Variants in KRR1 observed in about 807,000 individuals in gnomAD.
KRR1 encodes KRR1 small subunit processome component homolog.
In KRR1, 23 loss-of-function variants were observed where a neutral mutation model predicts 50.0. That is an observed-to-expected ratio of 0.46 (90% CI 0.33 to 0.65). The LOEUF (loss-of-function observed/expected upper bound fraction) is 0.65, where lower values mean the gene tolerates loss of function less well. KRR1 is among the 30% of genes least tolerant of loss of function. The probability of loss-of-function intolerance (pLI) is 0.02; values close to 1 mark genes in which losing one functional copy is unlikely to be tolerated. For missense variants in KRR1, 419 were observed against 442.4 expected, an observed-to-expected ratio of 0.95 and a Z score of 0.47; for synonymous variants, 133 against 146.3, an observed-to-expected ratio of 0.91 and a Z score of 0.66.
Position 75,508,309 on chromosome 12 carries a change from A to C in KRR1, c.223T>G (p.Cys75Gly). 6.2e-7 allele frequency: 1 copy of C among 1,613,008 alleles called. No homozygotes were observed. Among genetic ancestry groups the C allele is most frequent in the South Asian group, 1.1e-5 (1 of 90,962 alleles). Reference sequence around the variant, plus strand: ...AAGGCTTTCTGCACCAATGGCCAACACTCTTTCAAGTAAGCTTCCCTGTAT... The same window carrying C: ...AAGGCTTTCTGCACCAATGGCCAACCCTCTTTCAAGTAAGCTTCCCTGTAT... ...PKYREAYLKE[C>G]WPLVQKALNE... Residue 75 changes from cysteine to glycine, a missense_variant, in exon 2 of 10, where the codon TGT (cysteine) becomes GGT (glycine). Transcript: ENST00000229214.
Position 75,498,864 on chromosome 12 carries a change from A to G in KRR1, c.*945T>C, listed in dbSNP as rs773845498. 5.0e-5 allele frequency: 80 copies of G among 1,611,492 alleles called. No homozygotes were observed. Among genetic ancestry groups the G allele is most frequent in the Non-Finnish European group, 6.5e-5 (77 of 1,178,070 alleles). On this transcript the variant is annotated 3_prime_UTR_variant, in exon 10 of 10. Transcript: ENST00000229214. Reference sequence around the variant, plus strand: ...TATATCCAGGCTGGCCCATATATCCACGTAACAGATACACTTCTCTCTTTC... The same window carrying G: ...TATATCCAGGCTGGCCCATATATCCGCGTAACAGATACACTTCTCTCTTTC...
chr12:75,491,877 C>T lies in KRR1; in HGVS notation c.*7932G>A, dbSNP rs2046325560. ...TTGTTGCCTTTGAATTTTTGGATTCCTGGAGATTGGCTGAAAGAAAGCCAT... is the reference window on the plus strand; with the variant it reads ...TTGTTGCCTTTGAATTTTTGGATTCTTGGAGATTGGCTGAAAGAAAGCCAT... On this transcript the variant is annotated 3_prime_UTR_variant, in exon 10 of 10. Coordinates refer to ENST00000229214, the MANE Select transcript of KRR1 (RefSeq NM_007043.7). The T allele has an allele frequency of 6.6e-6, 1 of 151,830 alleles. No individual in the cohort carries two copies. The highest frequency in any genetic ancestry group is 2.1e-4 in the South Asian group (1 of 4,818). 9.4% of individuals were successfully genotyped at this position (151,830 alleles called of 1,614,324 possible).
chr12:75,492,306 T>C lies in KRR1; in HGVS notation c.*7503A>G, dbSNP rs1372015941. 1 of 152,274 alleles carries C rather than the reference T, an allele frequency of 6.6e-6. No homozygotes were observed. 9.4% of individuals were successfully genotyped at this position (152,274 alleles called of 1,614,324 possible). A position where few individuals can be genotyped will look rare whatever the true frequency, so the allele number is the denominator to read the frequency against. On this transcript the variant is annotated 3_prime_UTR_variant, in exon 10 of 10. Coordinates refer to ENST00000229214, the MANE Select transcript of KRR1 (RefSeq NM_007043.7). ...CATATTGCCCAGGCTCATCTCCAAC[T>C]CCTGGGCTAAAGTGATCCACCTGCC...
In KRR1 at chr12:75,498,466, A is replaced by G. The variant is rs2046365571; in HGVS notation, c.*1343T>C. 9.0e-6 allele frequency: 4 copies of G among 444,214 alleles called. No individual in the cohort carries two copies. The highest frequency in any genetic ancestry group is 1.6e-5 in the Non-Finnish European group (4 of 252,196). The allele number at this position is 444,214 out of a possible 1,614,324, so 27.5% of individuals were successfully genotyped here. ...GATTTTCCATTTATAGTAATGGTATAGTTTCCTTTTTATAAAAGGTTTATA... is the reference window on the plus strand; with the variant it reads ...GATTTTCCATTTATAGTAATGGTATGGTTTCCTTTTTATAAAAGGTTTATA... On this transcript the variant is annotated 3_prime_UTR_variant, in exon 10 of 10. Coordinates refer to ENST00000229214, the MANE Select transcript of KRR1 (RefSeq NM_007043.7).
intron 9 of KRR1, chr12:75,501,027 G>T (rs759133035): frequency 1.3e-5 from 2 of 152,058 alleles, no homozygotes; most frequent in African/African-American, 2.4e-5. Flanking sequence ...TTCTGACCCA[G>T]TCTATGTACA....
rs1334657618 is a variant in KRR1 at position 75,501,710 on chromosome 12, T to C, written c.1003+13A>G. On this transcript the variant is annotated intron_variant, in intron 9 of 9. Transcript: ENST00000229214. ...CTAATTAATAAAGACTTTTACATCATAGAAAGCATTACCTTCCTTAGGTTT... is the reference window on the plus strand; with the variant it reads ...CTAATTAATAAAGACTTTTACATCACAGAAAGCATTACCTTCCTTAGGTTT... 2.6e-6 allele frequency: 4 copies of C among 1,538,394 alleles called. No homozygotes were observed. The highest frequency in any genetic ancestry group is 1.8e-5 in the Admixed American group (1 of 55,440).
rs966284427 is a variant in KRR1 at position 75,493,080 on chromosome 12, G to A, written c.*6729C>T. 3 of 152,106 alleles carry A rather than the reference G, an allele frequency of 2.0e-5. No individual in the cohort carries two copies. Among genetic ancestry groups the A allele is most frequent in the Admixed American group, 6.6e-5 (1 of 15,266 alleles). 9.4% of individuals were successfully genotyped at this position (152,106 alleles called of 1,614,324 possible). A position where few individuals can be genotyped will look rare whatever the true frequency, so the allele number is the denominator to read the frequency against. ...TTAAACCACAGAGACTGGTGCCCTC[G>A]GTCTGCTAAACAGATGAAACGGGGG... On this transcript the variant is annotated 3_prime_UTR_variant, in exon 10 of 10. Transcript: ENST00000229214.
rs1262076078 is a variant in KRR1 at position 75,499,819 on chromosome 12, T to C, written c.1136A>G (p.Lys379Arg). 1.3e-6 allele frequency: 2 copies of C among 1,598,984 alleles called. No homozygotes were observed. Among genetic ancestry groups the C allele is most frequent in the Non-Finnish European group, 1.7e-6 (2 of 1,174,884 alleles). ...KMEADEKKKK[K>R]KK ...GGAGTTTTGGGTATGTTACTTTTTT[T>C]TCTTCTTTTTCTTTTCATCTGCCTC... is the stretch of plus-strand genomic sequence containing the variant. Residue 379 changes from lysine to arginine, a missense_variant, in exon 10 of 10, where the codon AAA becomes AGA. Lys to Arg is a conservative substitution (Grantham distance 26). Transcript: ENST00000229214.
At chr12:75,500,645 A>G (rs964035401) in intron 9 of KRR1, 4 of 151,934 alleles carry the variant, frequency 2.6e-5, no homozygotes, top group Admixed American at 6.6e-5. Context: ...ATAGAAGCCA[A>G]CTATCTAATC....
Position 75,498,561 on chromosome 12 carries a change from A to C in KRR1, c.*1248T>G. ...TCAGTTCAAAAAGTTTTGAATAATT[A>C]AACTTGGAAAGTCACTGCAATAAAG... is the stretch of plus-strand genomic sequence containing the variant. On this transcript the variant is annotated 3_prime_UTR_variant, in exon 10 of 10. Coordinates refer to ENST00000229214, the MANE Select transcript of KRR1 (RefSeq NM_007043.7). 1 of 665,378 alleles carries C rather than the reference A, an allele frequency of 1.5e-6. No individual in the cohort carries two copies. Among genetic ancestry groups the C allele is most frequent in the Non-Finnish European group, 2.6e-6 (1 of 387,012 alleles). 41.2% of individuals were successfully genotyped at this position (665,378 alleles called of 1,614,324 possible).
At position 75,501,830 on chromosome 12, in the gene KRR1, TAAAA is replaced by T; in HGVS notation, c.910-18_910-15del. ...TGCTTGTTTAGCCTACATTAATAAA[TAAAA>T]AATATATCAGTTAAATGTATTTATA... On this transcript the variant is annotated splice_polypyrimidine_tract_variant and intron_variant, in intron 8 of 9. Transcript: ENST00000229214. 6.3e-7 allele frequency: 1 copy of T among 1,579,482 alleles called. No individual in the cohort carries two copies. The highest frequency in any genetic ancestry group is 8.6e-7 in the Non-Finnish European group (1 of 1,158,004).
chr12:75,508,895 T>C (rs771177610), intron 1 of KRR1, among the ~76,000 whole-genome samples: 4 of 152,242 alleles, frequency 2.6e-5, no homozygotes, highest in Non-Finnish European at 5.9e-5. Context: ...GTGTAAAACT[T>C]CTGAAAGAGA....
At position 75,499,012 on chromosome 12, in the gene KRR1, C is replaced by A. The variant is rs767683448; in HGVS notation, c.*797G>T. On this transcript the variant is annotated 3_prime_UTR_variant, in exon 10 of 10. Coordinates refer to ENST00000229214, the MANE Select transcript of KRR1 (RefSeq NM_007043.7). ...AGGAAAGAAAAAACCCAAAAACCAA[C>A]CTCATTCACATATGGCTTTTTTTTT... is the stretch of plus-strand genomic sequence containing the variant. 1 of 1,465,812 alleles carries A rather than the reference C, an allele frequency of 6.8e-7. No homozygotes were observed. The highest frequency in any genetic ancestry group is 2.4e-5 in the East Asian group (1 of 42,406). 90.8% of individuals were successfully genotyped at this position (1,465,812 alleles called of 1,614,324 possible).
rs1168722449 is a variant in KRR1, at chr12:75,491,875, T to C, written c.*7934A>G. On this transcript the variant is annotated 3_prime_UTR_variant, in exon 10 of 10. Coordinates refer to ENST00000229214, the MANE Select transcript of KRR1 (RefSeq NM_007043.7). ...ATTTGTTGCCTTTGAATTTTTGGATTCCTGGAGATTGGCTGAAAGAAAGCC... is the reference window on the plus strand; with the variant it reads ...ATTTGTTGCCTTTGAATTTTTGGATCCCTGGAGATTGGCTGAAAGAAAGCC... The C allele has an allele frequency of 6.6e-6, 1 of 152,160 alleles. No individual in the cohort carries two copies. Among genetic ancestry groups the C allele is most frequent in the Non-Finnish European group, 1.5e-5 (1 of 68,038 alleles). 9.4% of individuals were successfully genotyped at this position (152,160 alleles called of 1,614,324 possible).
chr12:75,499,857 A>C lies in KRR1; in HGVS notation c.1098T>G (p.Ile366Met). 1.2e-6 allele frequency: 2 copies of C among 1,608,218 alleles called. No individual in the cohort carries two copies. The highest frequency in any genetic ancestry group is 1.7e-6 in the Non-Finnish European group (2 of 1,177,568). ...KKLGALTAEE[I>M]ALKMEADEKK... ...TTTCATCTGCCTCCATCTTAAGTGC[A>C]ATTTCTTCAGCTGTAAGAGCTCCCA... The change falls in exon 10 of 10, where the codon ATT becomes ATG. Residue 366 changes from isoleucine (I) to methionine (M), a missense_variant. Ile to Met is a conservative substitution (Grantham distance 10). Transcript: ENST00000229214.
rs1360984767 is a variant in KRR1, at chr12:75,491,732, A to C, written c.*8077T>G. 6.6e-6 allele frequency: 1 copy of C among 152,080 alleles called. No individual in the cohort carries two copies. The highest frequency in any genetic ancestry group is 1.5e-5 in the Non-Finnish European group (1 of 68,016). The allele number at this position is 152,080 out of a possible 1,614,324, so 9.4% of individuals were successfully genotyped here. A position where few individuals can be genotyped will look rare whatever the true frequency, so the allele number is the denominator to read the frequency against. On this transcript the variant is annotated 3_prime_UTR_variant, in exon 10 of 10. Transcript: ENST00000229214. ...AATTTCTTCACATAATTGTCTATTT[A>C]TATTCCTTTTTCTGTGAATCATGTG...
chr12:75,503,848 A>G, intron 7 of KRR1, 56 bp downstream of exon 7: 1 of 1,473,910 alleles, frequency 6.8e-7, no homozygotes, highest in East Asian at 2.3e-5. Flanking sequence ...AAAGTTTCTG[A>G]CCAAATACAT....
At chr12:75,508,902 G>C (rs1466039837) in intron 1 of KRR1, among the ~76,000 whole-genome samples, 1 of 152,190 alleles carries the variant, frequency 6.6e-6, no homozygotes, top group Non-Finnish European at 1.5e-5. Flanking sequence ...ACTTCTGAAA[G>C]AGAATTCTAG....
In KRR1 at chr12:75,506,858, T is replaced by G. The variant is rs752910893; in HGVS notation, c.317A>C (p.Lys106Thr). Reference protein sequence around the residue: ...EGSMTVCTTKKTFDPYIIIRA... With the variant: ...EGSMTVCTTKTTFDPYIIIRA... ...AATGATGATATATGGATCAAAAGTC[T>G]TCTTTGTAGTACAAACAGTCATGCT... Residue 106 changes from lysine to threonine, a missense_variant, in exon 3 of 10, where the codon AAG becomes ACG. Physicochemically the swap from Lys to Thr is moderately conservative, Grantham distance 78 (BLOSUM62 -1). Coordinates refer to ENST00000229214, the MANE Select transcript of KRR1 (RefSeq NM_007043.7). 4 of 1,613,398 alleles carry G rather than the reference T, an allele frequency of 2.5e-6. No individual in the cohort carries two copies. The Admixed American group carries it at 5.0e-5, about 20-fold the overall frequency.
Sources: gnomAD v4.1 joint callset for allele counts (sites outside exome capture counted in the v4.1 genomes callset) on GRCh38, gnomAD v4.1.1 for gene constraint, MANE v1.5 for transcripts, NCBI Gene and HGNC (gene_info 2026-07-23, HGNC 2026-07-21) for gene names.